FAM13A: variants seen among roughly 807,000 people sequenced by gnomAD.
The protein encoded by FAM13A is protein FAM13A.
In FAM13A, 76 loss-of-function variants were observed where a neutral mutation model predicts 129.6. The observed-to-expected ratio is 0.59, with a 90% CI of 0.49 to 0.71. The LOEUF (loss-of-function observed/expected upper bound fraction) is 0.71, where lower values mean the gene tolerates loss of function less well. Among genes scored for constraint, FAM13A ranks in the 30% least tolerant of loss-of-function variants. The pLI, the probability that FAM13A is intolerant of heterozygous loss-of-function variation, is 0.00. For missense variants in FAM13A, 1,108 were observed against 1,249.3 expected (o/e 0.89, Z 1.70); for synonymous variants, 443 against 449.9 (o/e 0.98, Z 0.20).
chr4:88,920,287 T>C (rs187435869), intron 5 of FAM13A, among the ~76,000 whole-genome samples: 46 of 152,236 alleles, frequency 3.0e-4, no homozygotes, highest in African/African-American at 1.1e-3. Context: ...GCAGCCTAAC[T>C]GGGAGGCACC....
intron 19 of FAM13A, among the ~76,000 whole-genome samples, 167 bp downstream of exon 19, chr4:88,746,765 A>C (rs1741429591): frequency 1.3e-5 from 2 of 152,236 alleles, no homozygotes; most frequent in South Asian, 4.1e-4. Flanking sequence ...TTATTGGTTA[A>C]GCCTTCAGAA....
chr4:89,015,071 G>C (rs375020206), intron 3 of FAM13A, among the ~76,000 whole-genome samples: 10 of 152,150 alleles, frequency 6.6e-5, no homozygotes, highest in African/African-American at 2.2e-4. Context: ...GTCTTTTACG[G>C]TTGAAGATAA....
intron 3 of FAM13A, among the ~76,000 whole-genome samples, chr4:89,016,060 T>C (rs1047247987): frequency 6.6e-6 from 1 of 152,072 alleles, no homozygotes; most frequent in Non-Finnish European, 1.5e-5. Flanking sequence ...TTGTAGGAGA[T>C]GGCAGTTCCA....
At chr4:88,913,967 C>T (rs965327014) in intron 5 of FAM13A, among the ~76,000 whole-genome samples, 1 of 151,318 alleles carries the variant, frequency 6.6e-6, no homozygotes. Context: ...CATGCCATTG[C>T]ACTCCAGCCT....
chr4:88,951,766 T>C (rs1335684257), intron 4 of FAM13A, among the ~76,000 whole-genome samples: 1 of 152,200 alleles, frequency 6.6e-6, no homozygotes. Flanking sequence ...TCTCAAAGAA[T>C]TTGTTTAACC....
chr4:88,964,704 T>C (rs1759112858), intron 4 of FAM13A, among the ~76,000 whole-genome samples: 1 of 150,988 alleles, frequency 6.6e-6, no homozygotes, highest in African/African-American at 2.4e-5. Context: ...CTTGGCTCAC[T>C]GCAACGTCCA....
chr4:88,738,814 A>G (rs373848345), intron 20 of FAM13A, among the ~76,000 whole-genome samples: 20 of 152,280 alleles, frequency 1.3e-4, no homozygotes, highest in South Asian at 8.3e-4. Context: ...AATAAATTCT[A>G]TCAGCTTCAG....
intron 4 of FAM13A, among the ~76,000 whole-genome samples, chr4:88,979,407 G>A (rs11945054): frequency 0.012 from 1,752 of 152,260 alleles, 39 homozygotes; most frequent in African/African-American, 0.039. Context: ...TGTTTATAAG[G>A]GAAACAGTTA....
At chr4:88,918,263 A>C (rs1187984352) in intron 5 of FAM13A, among the ~76,000 whole-genome samples, 1 of 152,218 alleles carries the variant, frequency 6.6e-6, no homozygotes, top group African/African-American at 2.4e-5. Context: ...CTAATAAACA[A>C]CACTGGCTAT....
At chr4:88,775,055 T>G (rs1362753580) in intron 11 of FAM13A, among the ~76,000 whole-genome samples, 2 of 152,240 alleles carry the variant, frequency 1.3e-5, no homozygotes, top group East Asian at 1.9e-4. Flanking sequence ...AAAGTTCAGA[T>G]AGAGAAGAGA....
chr4:88,991,269 T>C (rs756810128), intron 3 of FAM13A, 119 bp from the exon 4 acceptor site: 4 of 688,672 alleles, frequency 5.8e-6, no homozygotes, highest in Non-Finnish European at 7.1e-6. Flanking sequence ...GAGACTGAGA[T>C]AGGCCTTGTG....
At chr4:89,031,791 T>C (rs1166289806) in intron 1 of FAM13A, among the ~76,000 whole-genome samples, 2 of 152,238 alleles carry the variant, frequency 1.3e-5, no homozygotes, top group Admixed American at 1.3e-4. Context: ...CATACATCTC[T>C]AATTTTCTAA....
At chr4:88,949,218 A>G (rs77489611) in intron 4 of FAM13A, among the ~76,000 whole-genome samples, 1 of 152,340 alleles carries the variant, frequency 6.6e-6, no homozygotes, top group East Asian at 1.9e-4. Flanking sequence ...ATAAAGAGCA[A>G]TAAGATACTT....
chr4:88,981,227 A>G (rs993722651), intron 4 of FAM13A, among the ~76,000 whole-genome samples: 2 of 152,232 alleles, frequency 1.3e-5, no homozygotes, highest in African/African-American at 2.4e-5. Flanking sequence ...AGCAAATTTA[A>G]TTATTAGAAA....
chr4:88,728,894 TATG>T (rs1376818998), intron 23 of FAM13A: 2 of 404,796 alleles, frequency 4.9e-6, no homozygotes, highest in Non-Finnish European at 4.5e-6. Flanking sequence ...TGGCATCCTG[TATG>T]ATAAGAAGGC....
At chr4:88,993,965 T>G (rs1005889846) in intron 3 of FAM13A, among the ~76,000 whole-genome samples, 1 of 150,540 alleles carries the variant, frequency 6.6e-6, no homozygotes, top group Non-Finnish European at 1.5e-5. Flanking sequence ...CACTCCAGCC[T>G]GGGCGACAGA....
At chr4:88,868,807 G>C (rs1228420939) in intron 6 of FAM13A, among the ~76,000 whole-genome samples, 3 of 152,094 alleles carry the variant, frequency 2.0e-5, no homozygotes, top group Non-Finnish European at 4.4e-5. Flanking sequence ...CGTCAACTCA[G>C]GCATAGCAGT....
intron 3 of FAM13A, among the ~76,000 whole-genome samples, chr4:89,002,642 A>G (rs965757629): frequency 6.6e-6 from 1 of 152,222 alleles, no homozygotes; most frequent in African/African-American, 2.4e-5. Flanking sequence ...AAAGTGAAGT[A>G]TGCCAAGAGA....
intron 12 of FAM13A, 27 bp from the exon 13 acceptor site, chr4:88,767,622 AT>A (rs774252470): frequency 7.7e-5 from 117 of 1,523,716 alleles, no homozygotes; most frequent in Admixed American, 1.7e-4. Context: ...CAACAAAAAA[AT>A]CATAAAATAT....
Sources: allele counts gnomAD v4.1 joint callset (sites outside exome capture counted in the v4.1 genomes callset), GRCh38; gene constraint gnomAD v4.1.1; transcripts MANE v1.5; gene names NCBI Gene and HGNC (gene_info 2026-07-23, HGNC 2026-07-21).